MED16: variants seen among roughly 807,000 people sequenced by gnomAD.
MED16 encodes mediator of RNA polymerase II transcription subunit 16.
MED16 carries 81 observed loss-of-function variants against 84.4 expected under a neutral mutation model. That is an observed-to-expected ratio of 0.96 (90% CI 0.80 to 1.15). The LOEUF (loss-of-function observed/expected upper bound fraction) is 1.15, where lower values mean the gene tolerates loss of function less well. MED16 is among the 50% of genes most tolerant of loss of function. The pLI, the probability that MED16 is intolerant of heterozygous loss-of-function variation, is 0.00. For missense variants in MED16, 1,585 were observed against 1,245.9 expected, an observed-to-expected ratio of 1.27 and a Z score of -4.10; for synonymous variants, 897 against 552.2, an observed-to-expected ratio of 1.62 and a Z score of -8.76.
At chr19:882,801 T>A (rs1304938850) in intron 6 of MED16, among the ~76,000 whole-genome samples, 1 of 152,194 alleles carries the variant, frequency 6.6e-6, no homozygotes, top group East Asian at 1.9e-4. Flanking sequence ...ACGCAGCTGC[T>A]CTGTGCCACC....
intron 5 of MED16, among the ~76,000 whole-genome samples, chr19:885,545 G>A (rs1479932157): frequency 6.6e-6 from 1 of 152,206 alleles, no homozygotes; most frequent in African/African-American, 2.4e-5. Context: ...GCTGCGCTGT[G>A]GCCACGAAGC....
intron 4 of MED16, 50 bp from the exon 5 acceptor site, chr19:886,251 T>C: frequency 7.0e-7 from 1 of 1,420,608 alleles, no homozygotes. Flanking sequence ...TCATGGGGGC[T>C]GCCCCATGAC....
intron 6 of MED16, among the ~76,000 whole-genome samples, chr19:884,446 C>T (rs1481502140): frequency 1.3e-5 from 2 of 152,224 alleles, no homozygotes; most frequent in Admixed American, 6.5e-5. Flanking sequence ...GTGTTCTCAG[C>T]AGCCTCAGCT....
chr19:879,796 C>A lies in MED16; in HGVS notation c.1353+141G>T. On this transcript the variant is annotated intron_variant, in intron 8 of 15. Transcript: ENST00000325464. The stretch of plus-strand genomic sequence containing the variant: ...CCCACGTGCCCCAGCAGCTCGCCTT[C>A]CCCTGGCTGTCAATCCCCACCAGGG... The A allele has an allele frequency of 2.8e-6, 3 of 1,059,988 alleles. No individual in the cohort carries two copies. In the South Asian group the frequency reaches 4.7e-5, roughly 17 times the overall value. 65.7% of individuals were successfully genotyped at this position (1,059,988 alleles called of 1,614,324 possible).
intron 12 of MED16, 120 bp from the exon 13 acceptor site, chr19:871,373 C>G: frequency 7.5e-7 from 1 of 1,328,572 alleles, no homozygotes; most frequent in South Asian, 1.5e-5. Flanking sequence ...GCTCTGTCTG[C>G]CTGGCTGGGT....
At chr19:884,319 G>C (rs1282127831) in intron 6 of MED16, among the ~76,000 whole-genome samples, 4 of 152,166 alleles carry the variant, frequency 2.6e-5, no homozygotes, top group Non-Finnish European at 5.9e-5. Context: ...AGGATTTTGT[G>C]CCGGAGGTGG....
intron 1 of MED16, 143 bp from the exon 2 acceptor site, chr19:891,292 G>T: frequency 1.3e-6 from 1 of 786,738 alleles, no homozygotes; most frequent in Non-Finnish European, 2.0e-6. Context: ...GACAGAGCCT[G>T]GGGCTGGGGC....
intron 9 of MED16, 68 bp downstream of exon 9, chr19:876,906 G>A (rs1007240529): frequency 7.4e-6 from 11 of 1,492,212 alleles, no homozygotes; most frequent in Admixed American, 2.2e-5. Context: ...GGCCCCACCT[G>A]CCACGGGGCC....
chr19:873,615 C>T, intron 10 of MED16, 33 bp from the exon 11 acceptor site: 1 of 1,609,616 alleles, frequency 6.2e-7, no homozygotes, highest in Non-Finnish European at 8.5e-7. Flanking sequence ...TCAGCTCGGG[C>T]CTCTTGTACA....
chr19:870,249 G>A (rs1040553415), intron 13 of MED16, among the ~76,000 whole-genome samples: 1 of 152,142 alleles, frequency 6.6e-6, no homozygotes, highest in African/African-American at 2.4e-5. Context: ...GTACAGCGAG[G>A]CCAACACACA....
chr19:871,289 G>C, intron 12 of MED16, 36 bp from the exon 13 acceptor site: 2 of 1,512,612 alleles, frequency 1.3e-6, no homozygotes, highest in South Asian at 1.2e-5. Flanking sequence ...CAGCACCCCT[G>C]ACTGGGGCAC....
chr19:870,388 G>A (rs539295109), intron 13 of MED16, among the ~76,000 whole-genome samples: 9 of 152,092 alleles, frequency 5.9e-5, no homozygotes, highest in South Asian at 4.2e-4. Flanking sequence ...TTGCAAAACC[G>A]CCTCTATACC....
chr19:873,193 G>A (rs1244296269), intron 11 of MED16: 2 of 542,800 alleles, frequency 3.7e-6, no homozygotes, highest in African/African-American at 4.1e-5. Flanking sequence ...GGCAGGGCTA[G>A]GAAGTGGGGG....
chr19:889,514 G>A (rs1348189545), intron 4 of MED16, 124 bp downstream of exon 4: 7 of 1,120,550 alleles, frequency 6.2e-6, no homozygotes, highest in African/African-American at 3.1e-5. Flanking sequence ...GACTGCAGGT[G>A]GGAGCCAAGT....
At chr19:868,578 C>A (rs1399669044) in intron 14 of MED16, 79 bp from the exon 15 acceptor site, 1 of 1,563,628 alleles carries the variant, frequency 6.4e-7, no homozygotes, top group Non-Finnish European at 8.6e-7. Flanking sequence ...TGCTTCCAGG[C>A]AGGTCTCCCT....
chr19:872,153 C>CG lies in MED16; in HGVS notation c.1906-36dup, dbSNP rs558547532. 1,045 of 1,537,550 alleles carry CG rather than the reference C, an allele frequency of 6.8e-4. 5 individuals are homozygous for CG. In the South Asian group the frequency reaches 8.1e-3, roughly 12 times the overall value. ...AGAGGCATCGGTGTGGCTGGGGCGG[C>CG]GGGGGGCAGATGGCGATGGGATGAA... On this transcript the variant is annotated intron_variant, in intron 11 of 15. Transcript: ENST00000325464.
chr19:878,759 C>A (rs2036334233), intron 8 of MED16, among the ~76,000 whole-genome samples: 2 of 148,236 alleles, frequency 1.3e-5, no homozygotes, highest in Non-Finnish European at 3.0e-5. Flanking sequence ...CGTGCCCCAG[C>A]AGCTCCCCTT....
chr19:876,868 C>T lies in MED16; in HGVS notation c.1560+106G>A, dbSNP rs1049917235. 4 of 1,161,494 alleles carry T rather than the reference C, an allele frequency of 3.4e-6. No individual in the cohort carries two copies. In the African/African-American group the frequency reaches 6.5e-5, roughly 19 times the overall value. 71.9% of individuals were successfully genotyped at this position (1,161,494 alleles called of 1,614,324 possible). The stretch of plus-strand genomic sequence containing the variant: ...GACAGCCCCACCTGGCACGGGACCA[C>T]CTGCCACGGGGCCCCCACCTGCCAC... On this transcript the variant is annotated intron_variant, in intron 9 of 15. Transcript: ENST00000325464.
chr19:871,056 G>C lies in MED16; in HGVS notation c.2296C>G (p.Gln766Glu), dbSNP rs937343648. The change falls in exon 13 of 16, where the codon CAG (glutamine) becomes GAG (glutamate). Residue 766 changes from glutamine to glutamate, a missense_variant. By Grantham distance (29) the Gln-to-Glu change is conservative. Coordinates refer to ENST00000325464, the MANE Select transcript of MED16 (RefSeq NM_005481.3). ...ACGCACCTGGCGAGGCCGTCGAGCT[G>C]CAGGGTGGCAGCACTGCCAGGCAGC... ...PTLPGSAATL[Q>E]LDGLARAPGQ... 1 of 1,544,384 alleles carries C rather than the reference G, an allele frequency of 6.5e-7. No individual in the cohort carries two copies. Among genetic ancestry groups the C allele is most frequent in the African/African-American group, 1.4e-5 (1 of 72,868 alleles).
Sources: gnomAD v4.1 joint callset for allele counts (sites outside exome capture counted in the v4.1 genomes callset) on GRCh38, gnomAD v4.1.1 for gene constraint, MANE v1.5 for transcripts, NCBI Gene and HGNC (gene_info 2026-07-23, HGNC 2026-07-21) for gene names.